STXBP5L: variants seen among roughly 807,000 people sequenced by gnomAD.
The protein encoded by STXBP5L is syntaxin binding protein 5L.
STXBP5L carries 65 observed loss-of-function variants against 144.5 expected under a neutral mutation model. The observed-to-expected ratio is 0.45, with a 90% CI of 0.37 to 0.55. STXBP5L has a LOEUF of 0.55. Among genes scored for constraint, STXBP5L ranks in the 20% least tolerant of loss-of-function variants. The probability of loss-of-function intolerance (pLI) is 0.00; values close to 1 mark genes in which losing one functional copy is unlikely to be tolerated. For missense variants in STXBP5L, 1,298 were observed against 1,405.5 expected, an observed-to-expected ratio of 0.92 and a Z score of 1.22; for synonymous variants, 505 against 469.6, an observed-to-expected ratio of 1.08 and a Z score of -0.97.
intron 5 of STXBP5L, among the ~76,000 whole-genome samples, chr3:121,065,347 G>T (rs1257324923): frequency 6.6e-6 from 1 of 151,824 alleles, no homozygotes; most frequent in Admixed American, 6.6e-5. Context: ...AATGGTAGTT[G>T]TATATACATA....
chr3:121,313,718 C>G (rs1475848724), intron 19 of STXBP5L, among the ~76,000 whole-genome samples: 1 of 91,024 alleles, frequency 1.1e-5, no homozygotes, highest in East Asian at 3.8e-4. Context: ...GACGGGGCGG[C>G]TGGCCGGGCG....
intron 2 of STXBP5L, among the ~76,000 whole-genome samples, chr3:120,944,663 T>A (rs549562336): frequency 1.3e-5 from 2 of 151,908 alleles, no homozygotes; most frequent in East Asian, 3.9e-4. Flanking sequence ...AGTGGTTGTT[T>A]ACGTGAGCAG....
intron 11 of STXBP5L, among the ~76,000 whole-genome samples, chr3:121,232,246 A>G (rs1335208110): frequency 2.0e-5 from 3 of 152,194 alleles, no homozygotes; most frequent in Admixed American, 6.6e-5. Context: ...ATCGAGTGCC[A>G]CGTGAACATA....
chr3:121,301,214 T>C (rs2051889224), intron 19 of STXBP5L, among the ~76,000 whole-genome samples: 1 of 152,210 alleles, frequency 6.6e-6, no homozygotes, highest in African/African-American at 2.4e-5. Context: ...GTATCCTCCT[T>C]TATTTCGTTG....
At chr3:121,280,784 T>C (rs967933905) in intron 19 of STXBP5L, among the ~76,000 whole-genome samples, 2 of 151,740 alleles carry the variant, frequency 1.3e-5, no homozygotes, top group African/African-American at 4.8e-5. Flanking sequence ...CTTTAAAGTC[T>C]TCTACTTTGG....
chr3:121,097,720 G>A (rs773482696), intron 5 of STXBP5L, among the ~76,000 whole-genome samples: 4 of 152,108 alleles, frequency 2.6e-5, no homozygotes, highest in African/African-American at 7.2e-5. Flanking sequence ...CTTCTGTGTC[G>A]ATCTCGCTGG....
chr3:121,063,444 G>T (rs1288507318), intron 5 of STXBP5L, among the ~76,000 whole-genome samples: 1 of 152,218 alleles, frequency 6.6e-6, no homozygotes, highest in Non-Finnish European at 1.5e-5. Context: ...CCCCTGCTGG[G>T]AGGTGTCTCC....
chr3:121,177,596 AAAAAC>A (rs892743393), intron 9 of STXBP5L, among the ~76,000 whole-genome samples: 86 of 152,320 alleles, frequency 5.6e-4, no homozygotes, highest in African/African-American at 2.0e-3. Flanking sequence ...GATTACTGTC[AAAAAC>A]AAAACAAAAC....
At chr3:120,971,780 G>GTA (rs3039621) in intron 3 of STXBP5L, among the ~76,000 whole-genome samples, 7,927 of 149,346 alleles carry the variant, frequency 0.053, 284 homozygotes, top group Middle Eastern at 0.092. Flanking sequence ...ATATGTGTAT[G>GTA]TATATATATA....
chr3:121,269,916 G>A (rs2050688284), intron 18 of STXBP5L, among the ~76,000 whole-genome samples: 1 of 152,148 alleles, frequency 6.6e-6, no homozygotes, highest in African/African-American at 2.4e-5. Context: ...AGGATTAATT[G>A]TGCCAGTTTG....
intron 19 of STXBP5L, among the ~76,000 whole-genome samples, chr3:121,302,375 G>A (rs1309367074): frequency 6.6e-6 from 1 of 152,028 alleles, no homozygotes; most frequent in Admixed American, 6.6e-5. Flanking sequence ...TATTTCTGTG[G>A]GATTGGTGGT....
At chr3:120,916,593 A>G (rs1424054723) in intron 2 of STXBP5L, among the ~76,000 whole-genome samples, 1 of 152,130 alleles carries the variant, frequency 6.6e-6, no homozygotes, top group African/African-American at 2.4e-5. Context: ...GAGCCACCGC[A>G]CCTGGCAAGT....
intron 18 of STXBP5L, among the ~76,000 whole-genome samples, chr3:121,268,135 A>G (rs2050631635): frequency 6.6e-6 from 1 of 152,242 alleles, no homozygotes; most frequent in Non-Finnish European, 1.5e-5. Context: ...ACTGTCCACG[A>G]TAGCAAAGAC....
At chr3:120,928,722 T>C (rs1213654900) in intron 2 of STXBP5L, among the ~76,000 whole-genome samples, 1 of 152,042 alleles carries the variant, frequency 6.6e-6, no homozygotes. Context: ...TTGTTGATGG[T>C]GTCAGTGATT....
In STXBP5L at chr3:121,371,273, T is replaced by G. The variant is rs140001318; in HGVS notation, c.2177-7443T>G. Among the ~76,000 whole-genome samples, 19 of 152,330 alleles carry G rather than the reference T, an allele frequency of 1.2e-4. No individual in the cohort carries two copies. In the East Asian group the frequency reaches 3.7e-3, roughly 29 times the overall value. On this transcript the variant is annotated intron_variant, in intron 20 of 26. Coordinates refer to ENST00000471454, the MANE Select transcript of STXBP5L (RefSeq NM_001308330.2). ...ACTTTCTTCATTATGGCAAGATTTT[T>G]GGGGACCAAGGCTCAGCTTAGGACA...
At chr3:121,274,224 G>A (rs573533975) in intron 18 of STXBP5L, among the ~76,000 whole-genome samples, 1 of 149,398 alleles carries the variant, frequency 6.7e-6, no homozygotes, top group African/African-American at 2.4e-5. Context: ...AGATACAGTG[G>A]GGAAATGCTT....
intron 5 of STXBP5L, among the ~76,000 whole-genome samples, chr3:121,064,623 A>T (rs571934928): frequency 6.6e-6 from 1 of 152,236 alleles, no homozygotes; most frequent in Non-Finnish European, 1.5e-5. Flanking sequence ...CATATGTTAT[A>T]TTCCTTTATT....
chr3:121,241,536 G>A lies in STXBP5L; in HGVS notation c.1400+1029G>A, dbSNP rs539262769. ...ATGAGGTACCCCCAACTTCCCCAGA[G>A]TGTCAGATAAAGCAGAGTAGGGAGC... is the stretch of plus-strand genomic sequence containing the variant. On this transcript the variant is annotated intron_variant, in intron 14 of 26. Transcript: ENST00000471454. Among the ~76,000 whole-genome samples, 28 of 152,188 alleles carry A rather than the reference G, an allele frequency of 1.8e-4. No homozygotes were observed. In the South Asian group the frequency reaches 5.8e-3, roughly 32 times the overall value.
chr3:121,300,730 C>CA (rs759793135), intron 19 of STXBP5L, among the ~76,000 whole-genome samples: 21 of 149,960 alleles, frequency 1.4e-4, no homozygotes, highest in African/African-American at 2.4e-4. Flanking sequence ...AGTAAACAAA[C>CA]AAAAAAAAGA....
Sources: allele counts gnomAD v4.1 joint callset (sites outside exome capture counted in the v4.1 genomes callset), GRCh38; gene constraint gnomAD v4.1.1; transcripts MANE v1.5; gene names NCBI Gene and HGNC (gene_info 2026-07-23, HGNC 2026-07-21).